The following ASPA variants were observed in gnomAD, a reference collection of about 807,000 sequenced individuals.
The protein encoded by ASPA is ACY-2.
In ASPA, 25 loss-of-function variants were observed where a neutral mutation model predicts 29.6. That is an observed-to-expected ratio of 0.85 (90% CI 0.62 to 1.18). ASPA has a LOEUF of 1.18. Ranked by LOEUF, ASPA falls within the 50% of genes most tolerant of loss-of-function variation. The pLI is 0.00. For missense variants in ASPA, 333 were observed against 385.7 expected (o/e 0.86, Z 1.14); for synonymous variants, 131 against 130.3 (o/e 1.01, Z -0.04).
rs2150750445 is a variant in ASPA, at chr17:3,485,742, T to C, written c.526+2150T>C. On this transcript the variant is annotated intron_variant, in intron 3 of 5. Transcript: ENST00000263080. This position sits in a 1 kb window ranked among gnomAD's most constrained non-coding sequence, Gnocchi z 4.4. ...CCGACTTACAAGCTAACCATTAGCC[T>C]AGCACCTCTGAGTGGATGCCAGTAG... Among the ~76,000 whole-genome samples, 1 of 152,304 alleles carries C rather than the reference T, an allele frequency of 6.6e-6. No individual in the cohort carries two copies. The highest frequency in any genetic ancestry group is 2.4e-5 in the African/African-American group (1 of 41,566).
At chr17:3,494,318 G>T in intron 4 of ASPA, 32 bp from the exon 5 acceptor site, 1 of 1,525,128 alleles carries the variant, frequency 6.6e-7, no homozygotes, top group Non-Finnish European at 9.1e-7. Flanking sequence ...GATGTTTTTA[G>T]TTGCCATTGA....
chr17:3,486,084 C>T (rs1420151475), intron 3 of ASPA, among the ~76,000 whole-genome samples: 1 of 152,108 alleles, frequency 6.6e-6, no homozygotes, highest in Non-Finnish European at 1.5e-5. Flanking sequence ...AGGTGCCCAC[C>T]ACCATACCCA....
intron 4 of ASPA, among the ~76,000 whole-genome samples, chr17:3,493,475 C>A (rs574232341): frequency 6.9e-6 from 1 of 144,252 alleles, no homozygotes; most frequent in Non-Finnish European, 1.5e-5. Context: ...GCAGGAGAAT[C>A]GCTTGAACCC....
At position 3,476,119 on chromosome 17, in the gene ASPA, T is replaced by C; in HGVS notation, c.-41T>C. 6.4e-7 allele frequency: 1 copy of C among 1,566,974 alleles called. No individual in the cohort carries two copies. The highest frequency in any genetic ancestry group is 8.8e-7 in the Non-Finnish European group (1 of 1,138,882). ...AGAAAATCGAATTTCCTTTGATCTC[T>C]CTTCTGAATTGCAGAAATCAGATAA... On this transcript the variant is annotated 5_prime_UTR_variant, in exon 1 of 6. Transcript: ENST00000263080.
At chr17:3,480,043 G>A (rs1425401356) in intron 1 of ASPA, among the ~76,000 whole-genome samples, 2 of 71,220 alleles carry the variant, frequency 2.8e-5, no homozygotes, top group Non-Finnish European at 7.5e-5. Context: ...TTTTTGGAGA[G>A]GTTAGACTCT....
chr17:3,488,447 A>G lies in ASPA; in HGVS notation c.527-788A>G, dbSNP rs1362835014. ...CGAGAAGGGCAGATTACCTGCGGTCAGGAGTTTGAGACCAGCCTGACCAAC... is the reference window on the plus strand; with the variant it reads ...CGAGAAGGGCAGATTACCTGCGGTCGGGAGTTTGAGACCAGCCTGACCAAC... On this transcript the variant is annotated intron_variant, in intron 3 of 5. Coordinates refer to ENST00000263080, the MANE Select transcript of ASPA (RefSeq NM_000049.4). This position sits in a 1 kb window ranked among gnomAD's most constrained non-coding sequence, Gnocchi z 6.1. 6.6e-6 allele frequency among the ~76,000 whole-genome samples: 1 copy of G among 152,196 alleles called. No homozygotes were observed. Among genetic ancestry groups the G allele is most frequent in the African/African-American group, 2.4e-5 (1 of 41,450 alleles).
At chr17:3,495,865 C>G (rs934131039) in intron 5 of ASPA, among the ~76,000 whole-genome samples, 1 of 152,060 alleles carries the variant, frequency 6.6e-6, no homozygotes, top group African/African-American at 2.4e-5. Flanking sequence ...CCTTGCCCAG[C>G]CTTAAGCAGT....
rs751298835 is a variant in ASPA, at chr17:3,483,532, C to G, written c.466C>G (p.Leu156Val). 1.2e-6 allele frequency: 2 copies of G among 1,614,158 alleles called. No homozygotes were observed. The highest frequency in any genetic ancestry group is 1.1e-5 in the South Asian group (1 of 91,084). ...GGCTCCACTACCCTGCTACGTTTAT[C>G]TGATTGAGCATCCTTCCCTCAAATA... ...SLAPLPCYVY[L>V]IEHPSLKYAT... The change falls in exon 3 of 6, where the codon CTG (leucine) becomes GTG (valine). Residue 156 changes from leucine (L) to valine (V), a missense_variant. Physicochemically the swap from Leu to Val is conservative, Grantham distance 32. Transcript: ENST00000263080.
At chr17:3,475,214 C>T (rs746082812), upstream of ASPA, among the ~76,000 whole-genome samples, 1 of 152,150 alleles carries the variant, frequency 6.6e-6, no homozygotes, top group Non-Finnish European at 1.5e-5. Context: ...GGGATGTAAT[C>T]ATCTTAGTAT....
Position 3,491,750 on chromosome 17 carries a change from A to G in ASPA, c.634+2408A>G, listed in dbSNP as rs532082955. 7.1e-3 allele frequency among the ~76,000 whole-genome samples: 1,081 copies of G among 151,620 alleles called. 15 individuals carry two copies. Among genetic ancestry groups the G allele is most frequent in the African/African-American group, 0.024 (984 of 41,104 alleles). ...GTGACAGAGTGAGACTGTCTCAAAA[A>G]AAAAAAAGAAAGAAAGAAAGAAGTC... On this transcript the variant is annotated intron_variant, in intron 4 of 5. Coordinates refer to ENST00000263080, the MANE Select transcript of ASPA (RefSeq NM_000049.4).
In ASPA at chr17:3,490,369, A is replaced by T. The variant is rs1298690862; in HGVS notation, c.634+1027A>T. On this transcript the variant is annotated intron_variant, in intron 4 of 5. Coordinates refer to ENST00000263080, the MANE Select transcript of ASPA (RefSeq NM_000049.4). The surrounding 1 kb of genome is among the most constrained non-coding windows in gnomAD (Gnocchi z 4.6). ...TAAAAAGTCTATTAGTTATAAAAAA[A>T]GTTTACTTTAAAATGGAAAATAGTT... Among the ~76,000 whole-genome samples, 2 of 152,248 alleles carry T rather than the reference A, an allele frequency of 1.3e-5. No homozygotes were observed. The highest frequency in any genetic ancestry group is 2.4e-5 in the African/African-American group (1 of 41,460).
At position 3,499,140 on chromosome 17, in the gene ASPA, T is replaced by C. The variant is rs374525029; in HGVS notation, c.*52T>C. 5.1e-4 allele frequency: 799 copies of C among 1,569,920 alleles called. 11 individuals are homozygous for C. In the South Asian group the frequency reaches 8.8e-3, roughly 17 times the overall value. On this transcript the variant is annotated 3_prime_UTR_variant, in exon 6 of 6. Coordinates refer to ENST00000263080, the MANE Select transcript of ASPA (RefSeq NM_000049.4). ...CGGTGTCTTACAAATTCTGCTAGTC[T>C]GTAAGCTCCTTAAGAGTAGGGTTGT...
At chr17:3,475,681 G>A, upstream of ASPA, 1 of 177,272 alleles carries the variant, frequency 5.6e-6, no homozygotes, top group Non-Finnish European at 1.2e-5. Flanking sequence ...TCATTTCAGA[G>A]AAGAAATGTT....
chr17:3,481,629 A>T lies in ASPA; in HGVS notation c.263A>T (p.Tyr88Phe). ...AAAAAAATGTCAGAAGATTTGCCAT[A>T]TGAAGTGAGAAGGGCTCAAGAAATA... Reference protein sequence around the residue: ...LGKKMSEDLPYEVRRAQEINH... With the variant: ...LGKKMSEDLPFEVRRAQEINH... Residue 88 changes from tyrosine to phenylalanine, a missense_variant, in exon 2 of 6, where the codon TAT (tyrosine) becomes TTT (phenylalanine). Transcript: ENST00000263080. 3 of 1,613,806 alleles carry T rather than the reference A, an allele frequency of 1.9e-6. No homozygotes were observed.
In ASPA at chr17:3,495,819, G is replaced by C. The variant is rs112190647; in HGVS notation, c.744+1360G>C. Among the ~76,000 whole-genome samples, 629 of 152,184 alleles carry C rather than the reference G, an allele frequency of 4.1e-3. 5 individuals carry two copies. The highest frequency in any genetic ancestry group is 0.014 in the African/African-American group (562 of 41,522). On this transcript the variant is annotated intron_variant, in intron 5 of 5. Coordinates refer to ENST00000263080, the MANE Select transcript of ASPA (RefSeq NM_000049.4). ...CCTGACATCATGATCCACCTGCCTC[G>C]GCCTCCCAAAGTGGTGGGATTACAG...
intron 4 of ASPA, among the ~76,000 whole-genome samples, chr17:3,491,992 C>T (rs548520613): frequency 1.3e-5 from 2 of 151,184 alleles, no homozygotes; most frequent in African/African-American, 4.8e-5. Flanking sequence ...ATCCTCCCAC[C>T]CAGCCTCCTG....
intron 1 of ASPA, 85 bp downstream of exon 1, chr17:3,476,480 C>A: frequency 8.0e-7 from 1 of 1,247,140 alleles, no homozygotes; most frequent in Non-Finnish European, 1.2e-6. Context: ...TATGTATATG[C>A]AGATGATAAT....
rs1241096586 is a variant in ASPA at position 3,498,772 on chromosome 17, T to C, written c.745-119T>C. The C allele has an allele frequency of 7.7e-6, 8 of 1,033,102 alleles. No homozygotes were observed. In the Admixed American group the frequency reaches 1.0e-4, roughly 13 times the overall value. 64.0% of individuals were successfully genotyped at this position (1,033,102 alleles called of 1,614,324 possible). A position where few individuals can be genotyped will look rare whatever the true frequency, so the allele number is the denominator to read the frequency against. The stretch of plus-strand genomic sequence containing the variant: ...ACTTGCCTGCATCTCAATGCCTCGC[T>C]CAAGTATCTCTTTTAAAACAACAGA... On this transcript the variant is annotated intron_variant, in intron 5 of 5. Coordinates refer to ENST00000263080, the MANE Select transcript of ASPA (RefSeq NM_000049.4).
At position 3,499,082 on chromosome 17, in the gene ASPA, A is replaced by T. The variant is rs778770959; in HGVS notation, c.936A>T (p.Leu312Phe). The change falls in exon 6 of 6, where the codon TTA (leucine) becomes TTT (phenylalanine). Residue 312 changes from leucine to phenylalanine, a missense_variant. Coordinates refer to ENST00000263080, the MANE Select transcript of ASPA (RefSeq NM_000049.4). ...TLNAKSIRCC[L>F]H ...ATGCAAAAAGTATTCGCTGCTGTTT[A>T]CATTAGAAATCACTTCCAGCTTACA... 1.1e-4 allele frequency: 185 copies of T among 1,613,726 alleles called. No homozygotes were observed. Among genetic ancestry groups the T allele is most frequent in the Non-Finnish European group, 1.5e-4 (176 of 1,179,830 alleles).
Sources: allele counts gnomAD v4.1 joint callset (sites outside exome capture counted in the v4.1 genomes callset), GRCh38; gene constraint gnomAD v4.1.1; non-coding constraint Gnocchi (gnomAD v3.1); transcripts MANE v1.5; gene names NCBI Gene and HGNC (gene_info 2026-07-23, HGNC 2026-07-21).